PDGFC: variants seen among roughly 807,000 people sequenced by gnomAD.
PDGFC encodes platelet derived growth factor C, also known as platelet-derived growth factor C.
Under a neutral mutation model 35.5 loss-of-function variants are expected in PDGFC, and 12 were observed. The ratio of observed to expected loss-of-function variants is 0.34; its 90% CI spans 0.22 to 0.55. PDGFC has a LOEUF of 0.55. PDGFC is among the 20% of genes least tolerant of loss of function. PDGFC has a pLI of 0.91. For missense variants in PDGFC, 322 were observed against 412.4 expected (o/e 0.78, Z 1.90); for synonymous variants, 159 against 148.8 (o/e 1.07, Z -0.50).
At chr4:156,792,777 C>T (rs532903982) in intron 3 of PDGFC, among the ~76,000 whole-genome samples, 13 of 152,140 alleles carry the variant, frequency 8.5e-5, no homozygotes, top group Non-Finnish European at 1.9e-4. Flanking sequence ...AAATTTCACA[C>T]ACCTGCATTT....
chr4:156,955,780 A>C (rs899628602), intron 1 of PDGFC, among the ~76,000 whole-genome samples: 1 of 152,092 alleles, frequency 6.6e-6, no homozygotes, highest in Admixed American at 6.6e-5. Context: ...GCATCTAAAC[A>C]TGCTCTTAGT....
chr4:156,772,851 C>G lies in PDGFC; in HGVS notation c.538G>C (p.Ala180Pro). 2 of 1,613,406 alleles carry G rather than the reference C, an allele frequency of 1.2e-6. No homozygotes were observed. Among genetic ancestry groups the G allele is most frequent in the Non-Finnish European group, 1.7e-6 (2 of 1,179,486 alleles). The change falls in exon 4 of 6, where the codon GCT becomes CCT. Residue 180 changes from alanine (A) to proline (P), a missense_variant. Ala to Pro is a conservative substitution (Grantham distance 27). Around this residue, in one of 2 missense-constraint regions of PDGFC, gnomAD observed 202 missense variants for 295.9 expected, o/e 0.68. Transcript: ENST00000502773. ...TTATTAAGCAGGTCCAGTGGCAAAG[C>G]TGAAGGGGGTAGCACTGAAGGACTC... ...AVSPSVLPPS[A>P]LPLDLLNNAI...
chr4:156,954,013 T>C (rs1162591802), intron 1 of PDGFC, among the ~76,000 whole-genome samples: 11 of 152,046 alleles, frequency 7.2e-5, no homozygotes, highest in Non-Finnish European at 1.5e-4. Context: ...TGAAAATAAA[T>C]AGTCTGGTCT....
chr4:156,925,572 T>C (rs1332246079), intron 1 of PDGFC, among the ~76,000 whole-genome samples: 1 of 151,874 alleles, frequency 6.6e-6, no homozygotes, highest in Non-Finnish European at 1.5e-5. Context: ...TTTGTTTTGG[T>C]CATGTTGAAA....
At chr4:156,889,200 T>A (rs767580779) in intron 1 of PDGFC, among the ~76,000 whole-genome samples, 1 of 152,198 alleles carries the variant, frequency 6.6e-6, no homozygotes, top group Non-Finnish European at 1.5e-5. Context: ...ATGCACATTA[T>A]TATTTTTTTC....
At chr4:156,846,674 G>C (rs1729334076) in intron 2 of PDGFC, among the ~76,000 whole-genome samples, 1 of 151,770 alleles carries the variant, frequency 6.6e-6, no homozygotes, top group Non-Finnish European at 1.5e-5. Flanking sequence ...TATTTCACTT[G>C]ATACTGCTAC....
intron 1 of PDGFC, among the ~76,000 whole-genome samples, chr4:156,910,028 T>C (rs1470032775): frequency 6.6e-6 from 1 of 152,030 alleles, no homozygotes; most frequent in South Asian, 2.1e-4. Flanking sequence ...TCCAAAAGCT[T>C]AGAGACAGTC....
chr4:156,838,520 A>AC (rs1191740783), intron 2 of PDGFC, among the ~76,000 whole-genome samples: 29 of 149,940 alleles, frequency 1.9e-4, no homozygotes, highest in African/African-American at 7.4e-4. Context: ...CTGCTATCTT[A>AC]TGAGGACAGC....
At chr4:156,788,134 G>T (rs1022701336) in intron 3 of PDGFC, among the ~76,000 whole-genome samples, 1 of 152,066 alleles carries the variant, frequency 6.6e-6, no homozygotes, top group African/African-American at 2.4e-5. Flanking sequence ...AATCAAGTGT[G>T]CTGGCCAATA....
chr4:156,905,819 A>G lies in PDGFC; in HGVS notation c.119-55403T>C, dbSNP rs541079343. Among the ~76,000 whole-genome samples, 31 of 152,206 alleles carry G rather than the reference A, an allele frequency of 2.0e-4. No homozygotes were observed. In the South Asian group the frequency reaches 6.4e-3, roughly 32 times the overall value. On this transcript the variant is annotated intron_variant, in intron 1 of 5. Coordinates refer to ENST00000502773, the MANE Select transcript of PDGFC (RefSeq NM_016205.3). ...CTGTGTTACCCAAGGGCTTACATCT[A>G]CACGCAAGACCTACATTCTAGATCT...
intron 1 of PDGFC, among the ~76,000 whole-genome samples, chr4:156,929,872 G>A (rs551470706): frequency 6.6e-6 from 1 of 152,128 alleles, no homozygotes; most frequent in Non-Finnish European, 1.5e-5. Flanking sequence ...TGACAGGCCA[G>A]AACTTGTAGT....
chr4:156,937,426 G>T (rs1258637546), intron 1 of PDGFC, among the ~76,000 whole-genome samples: 1 of 152,122 alleles, frequency 6.6e-6, no homozygotes, highest in Non-Finnish European at 1.5e-5. Context: ...AGGTGGTCAG[G>T]CACGGTGGCT....
At chr4:156,802,882 C>A (rs952256845) in intron 3 of PDGFC, among the ~76,000 whole-genome samples, 4 of 152,160 alleles carry the variant, frequency 2.6e-5, no homozygotes, top group Non-Finnish European at 5.9e-5. Flanking sequence ...ATACTTAGAG[C>A]ATTTTAAGTT....
At chr4:156,927,272 A>G (rs753030747) in intron 1 of PDGFC, among the ~76,000 whole-genome samples, 9 of 152,172 alleles carry the variant, frequency 5.9e-5, no homozygotes, top group Non-Finnish European at 1.0e-4. Flanking sequence ...ATGAAGACCT[A>G]TGACATGCCC....
At chr4:156,843,886 T>C (rs1029513201) in intron 2 of PDGFC, among the ~76,000 whole-genome samples, 1 of 152,152 alleles carries the variant, frequency 6.6e-6, no homozygotes, top group African/African-American at 2.4e-5. Flanking sequence ...TTATAGGAAC[T>C]TCCCAAAAGA....
chr4:156,833,609 TATG>T (rs1728995618), intron 2 of PDGFC, among the ~76,000 whole-genome samples: 1 of 152,228 alleles, frequency 6.6e-6, no homozygotes, highest in Admixed American at 6.5e-5. Flanking sequence ...TATTTAGTTT[TATG>T]ATGAACAGGA....
intron 1 of PDGFC, among the ~76,000 whole-genome samples, chr4:156,952,515 T>C (rs1377232498): frequency 6.6e-6 from 1 of 151,838 alleles, no homozygotes; most frequent in Admixed American, 6.6e-5. Context: ...TGAACTATGC[T>C]TTAACCTGGT....
At chr4:156,932,989 T>C (rs1198186280) in intron 1 of PDGFC, among the ~76,000 whole-genome samples, 8 of 152,010 alleles carry the variant, frequency 5.3e-5, no homozygotes, top group Admixed American at 5.2e-4. Flanking sequence ...TTAATCATCA[T>C]CACATGGTAG....
intron 1 of PDGFC, among the ~76,000 whole-genome samples, chr4:156,927,186 CAG>C (rs1731434988): frequency 6.6e-6 from 1 of 152,140 alleles, no homozygotes; most frequent in African/African-American, 2.4e-5. Flanking sequence ...CTGCACACAG[CAG>C]AGAGACGCTG....
Sources: allele counts gnomAD v4.1 joint callset (sites outside exome capture counted in the v4.1 genomes callset), GRCh38; gene constraint gnomAD v4.1.1; regional missense constraint gnomAD v4.1.1; transcripts MANE v1.5; gene names NCBI Gene and HGNC (gene_info 2026-07-23, HGNC 2026-07-21).